The following NCAPH2 variants were observed in gnomAD, a reference collection of about 807,000 sequenced individuals.
NCAPH2 encodes the protein non-SMC condensin II complex subunit H2.
Under a neutral mutation model 88.6 loss-of-function variants are expected in NCAPH2, and 56 were observed. That is an observed-to-expected ratio of 0.63 (90% CI 0.51 to 0.79). NCAPH2 has a LOEUF of 0.79. Among genes scored for constraint, NCAPH2 ranks in the 30% least tolerant of loss-of-function variants. NCAPH2 has a pLI of 0.00. For synonymous variants in NCAPH2, 378 were observed against 313.6 expected (o/e 1.21, Z -2.17); for missense variants, 794 against 792.0 (o/e 1.00, Z -0.03).
intron 10 of NCAPH2, among the ~76,000 whole-genome samples, chr22:50,521,316 C>CTGGGAGGGTGGCTGTGTACCCCCTA (rs1391114247): frequency 2.0e-4 from 31 of 151,782 alleles, no homozygotes; most frequent in Non-Finnish European, 3.2e-4. Flanking sequence ...ACCCCCTACT[C>CTGGGAGGGTGGCTGTGTACCCCCTA]CTCTGGGAGG....
intron 3 of NCAPH2, 31 bp from the exon 4 acceptor site, chr22:50,517,546 G>A: frequency 1.2e-6 from 2 of 1,614,062 alleles, no homozygotes; most frequent in Non-Finnish European, 1.7e-6. Flanking sequence ...TGCAGCTCCT[G>A]GGATGCCCAC....
In NCAPH2 at chr22:50,517,674, G is replaced by A; in HGVS notation, c.351+13G>A. The A allele has an allele frequency of 6.2e-7, 1 of 1,614,148 alleles. No individual in the cohort carries two copies. Among genetic ancestry groups the A allele is most frequent in the Non-Finnish European group, 8.5e-7 (1 of 1,180,030 alleles). The stretch of plus-strand genomic sequence containing the variant: ...GGCAGAGAATGAGGTGAGTTTCTTT[G>A]GCATGTGGTCCCCGCCCACTGTGTG... On this transcript the variant is annotated intron_variant, in intron 4 of 19. Transcript: ENST00000420993.
At chr22:50,515,208 T>C (rs1007095541) in intron 1 of NCAPH2, among the ~76,000 whole-genome samples, 2 of 152,070 alleles carry the variant, frequency 1.3e-5, no homozygotes, top group Admixed American at 1.3e-4. Flanking sequence ...TGGGGGTCGG[T>C]GTTCCAGGCA....
At position 50,521,608 on chromosome 22, in the gene NCAPH2, A is replaced by T. The variant is rs1416413759; in HGVS notation, c.999A>T (p.Lys333Asn). ...CCTTGGAGTCTAAGCCCTTCAAGAAAGGTAATTGGGTGGAAGGTACCTCCA... is the reference window on the plus strand; with the variant it reads ...CCTTGGAGTCTAAGCCCTTCAAGAATGGTAATTGGGTGGAAGGTACCTCCA... The part of the protein sequence containing the change: ...FDSLESKPFK[K>N]GRPYSVPPCV... Residue 333 changes from lysine (K) to asparagine (N), a missense_variant and splice_region_variant, in exon 11 of 20, where the codon AAA becomes AAT. Physicochemically the swap from Lys to Asn is moderately conservative, Grantham distance 94 (BLOSUM62 0). Coordinates refer to ENST00000420993, the MANE Select transcript of NCAPH2 (RefSeq NM_152299.4). The T allele has an allele frequency of 6.2e-7, 1 of 1,612,758 alleles. No individual in the cohort carries two copies. Among genetic ancestry groups the T allele is most frequent in the African/African-American group, 1.3e-5 (1 of 74,842 alleles).
chr22:50,523,132 A>C lies in NCAPH2; in HGVS notation c.1643A>C (p.Glu548Ala). The change falls in exon 19 of 20, where the codon GAG (glutamate) becomes GCG (alanine). Residue 548 changes from glutamate (E) to alanine (A), a missense_variant. Glu to Ala is a moderately radical substitution (Grantham distance 107). This residue lies in a region of NCAPH2 where 735 missense variants were observed against 696.3 expected (regional missense o/e 1.06). Coordinates refer to ENST00000420993, the MANE Select transcript of NCAPH2 (RefSeq NM_152299.4). ...CTGGTGGCTGGCCAGCCGGCCTTCG[A>C]GGTGTGTCGTTCCATGCTGGCCTCC... is the stretch of plus-strand genomic sequence containing the variant. The part of the protein sequence containing the change: ...AELVAGQPAF[E>A]VCRSMLASLQ... 1 of 1,613,574 alleles carries C rather than the reference A, an allele frequency of 6.2e-7. No individual in the cohort carries two copies. Among genetic ancestry groups the C allele is most frequent in the Non-Finnish European group, 8.5e-7 (1 of 1,179,866 alleles).
In NCAPH2 at chr22:50,518,200, G is replaced by C; in HGVS notation, c.568G>C (p.Gly190Arg). 1 of 1,614,074 alleles carries C rather than the reference G, an allele frequency of 6.2e-7. No individual in the cohort carries two copies. The highest frequency in any genetic ancestry group is 8.5e-7 in the Non-Finnish European group (1 of 1,180,016). ...GAACACGTGCGTTCCCCACCCCAGAGGGGCCTTCATGTTGGAGCCAGAGGG... is the reference window on the plus strand; with the variant it reads ...GAACACGTGCGTTCCCCACCCCAGACGGGCCTTCATGTTGGAGCCAGAGGG... ...RMNTCVPHPR[G>R]AFMLEPEGMS... The change falls in exon 7 of 20, where the codon GGG (glycine) becomes CGG (arginine). Residue 190 changes from glycine (G) to arginine (R), a missense_variant. Physicochemically the swap from Gly to Arg is moderately radical, Grantham distance 125. Coordinates refer to ENST00000420993, the MANE Select transcript of NCAPH2 (RefSeq NM_152299.4).
chr22:50,519,619 C>A, intron 9 of NCAPH2: 1 of 1,222,112 alleles, frequency 8.2e-7, no homozygotes, highest in Non-Finnish European at 1.0e-6. Context: ...TGCCAAGGCG[C>A]CTCTCTGCAG....
intron 10 of NCAPH2, among the ~76,000 whole-genome samples, 159 bp downstream of exon 10, chr22:50,521,195 C>T (rs1015285669): frequency 1.3e-5 from 2 of 152,220 alleles, no homozygotes; most frequent in African/African-American, 2.4e-5. Flanking sequence ...CGACTCTGGG[C>T]TCCCACCCTC....
Position 50,518,689 on chromosome 22 carries a change from G to A in NCAPH2, c.687G>A (p.Val229=), listed in dbSNP as rs1203044905. 1.2e-6 allele frequency: 2 copies of A among 1,609,656 alleles called. No homozygotes were observed. Among genetic ancestry groups the A allele is most frequent in the African/African-American group, 1.3e-5 (1 of 74,852 alleles). ...RTEEQPMEVS[V]CRSPVPALGF... ...AGGAGCAGCCAATGGAAGTTTCCGT[G>A]TGCAGGAGCCCTGTCCCAGCACTCG... Residue 229 remains valine (V), a synonymous_variant, in exon 8 of 20, where the codon GTG becomes GTA. Transcript: ENST00000420993.
At chr22:50,512,512 C>T (rs975154319) in intron 1 of NCAPH2, among the ~76,000 whole-genome samples, 1 of 151,316 alleles carries the variant, frequency 6.6e-6, no homozygotes, top group Non-Finnish European at 1.5e-5. Flanking sequence ...CACACACTAC[C>T]ATGATGTTCT....
At chr22:50,521,432 G>T in intron 10 of NCAPH2, 111 bp from the exon 11 acceptor site, 1 of 1,148,906 alleles carries the variant, frequency 8.7e-7, no homozygotes, top group East Asian at 2.4e-5. Flanking sequence ...GAGCGCGGCT[G>T]TGTACCCCCT....
intron 7 of NCAPH2, 116 bp downstream of exon 7, chr22:50,518,394 T>C: frequency 1.4e-6 from 2 of 1,438,762 alleles, no homozygotes; most frequent in Non-Finnish European, 1.9e-6. Context: ...TGTCTCTGGG[T>C]GCCTGCTCTA....
Position 50,522,017 on chromosome 22 carries a change from G to A in NCAPH2, c.1140G>A (p.Arg380=). 6.2e-7 allele frequency: 1 copy of A among 1,614,042 alleles called. No homozygotes were observed. The highest frequency in any genetic ancestry group is 8.5e-7 in the Non-Finnish European group (1 of 1,179,978). The part of the protein sequence containing the change: ...YADHADSRRL[R]RKGPSFADME... ...ACCATGCCGACAGCAGGCGGCTTCG[G>A]CGAAAGGGTCCGTCCTTTGCAGGTG... Residue 380 remains arginine (R), a synonymous_variant, in exon 13 of 20, where the codon CGG becomes CGA. Coordinates refer to ENST00000420993, the MANE Select transcript of NCAPH2 (RefSeq NM_152299.4).
At chr22:50,521,307 C>T (rs565947505) in intron 10 of NCAPH2, among the ~76,000 whole-genome samples, 1 of 152,206 alleles carries the variant, frequency 6.6e-6, no homozygotes, top group African/African-American at 2.4e-5. Context: ...CGGCTGTGCA[C>T]CCCCTACTCC....
rs1263573101 is a variant in NCAPH2 at position 50,523,095 on chromosome 22, C to T, written c.1606C>T (p.Pro536Ser). The T allele has an allele frequency of 9.9e-6, 16 of 1,613,328 alleles. No individual in the cohort carries two copies. The highest frequency in any genetic ancestry group is 1.4e-5 in the Non-Finnish European group (16 of 1,179,662). Residue 536 changes from proline (P) to serine (S), a missense_variant, in exon 19 of 20, where the codon CCC (proline) becomes TCC (serine). Around this residue, in one of 2 missense-constraint regions of NCAPH2, gnomAD observed 735 missense variants for 696.3 expected, o/e 1.06. Coordinates refer to ENST00000420993, the MANE Select transcript of NCAPH2 (RefSeq NM_152299.4). ...GTTCCCCCAGCTCAATGAGTGGTGTCCCTTTGCGGAGCTGGTGGCTGGCCA... is the reference window on the plus strand; with the variant it reads ...GTTCCCCCAGCTCAATGAGTGGTGTTCCTTTGCGGAGCTGGTGGCTGGCCA... ...SRFPQLNEWC[P>S]FAELVAGQPA...
intron 2 of NCAPH2, among the ~76,000 whole-genome samples, chr22:50,517,098 C>T (rs958007451): frequency 1.4e-4 from 21 of 152,120 alleles, no homozygotes; most frequent in African/African-American, 3.9e-4. Context: ...GTGCCAAGCA[C>T]GAGGGGCCTC....
Position 50,516,458 on chromosome 22 carries a change from C to G in NCAPH2, c.120C>G (p.Ile40Met), listed in dbSNP as rs1384791843. 14 of 1,614,060 alleles carry G rather than the reference C, an allele frequency of 8.7e-6. No homozygotes were observed. The highest frequency in any genetic ancestry group is 1.6e-4 in the Middle Eastern group (1 of 6,084). Residue 40 changes from isoleucine (I) to methionine (M), a missense_variant, in exon 2 of 20, where the codon ATC becomes ATG. By Grantham distance (10) the Ile-to-Met change is conservative (BLOSUM62 1). This residue lies in a region of NCAPH2 where 59 missense variants were observed against 95.7 expected (regional missense o/e 0.62). Coordinates refer to ENST00000420993, the MANE Select transcript of NCAPH2 (RefSeq NM_152299.4). ...LGEYLEELDQ[I>M]CISFDEGKTT... ...GTTGTTTCTTGCAGCTGGATCAGAT[C>G]TGCATTTCTTTTGACGAAGGCAAGA...
rs763652303 is a variant in NCAPH2 at position 50,522,558 on chromosome 22, C to T, written c.1364C>T (p.Ala455Val). 1 of 1,613,760 alleles carries T rather than the reference C, an allele frequency of 6.2e-7. No homozygotes were observed. Among genetic ancestry groups the T allele is most frequent in the South Asian group, 1.1e-5 (1 of 91,082 alleles). ...CCCGAGGGAGCAGACCCCAGGGAAG[C>T]CGCTGACCTTGGTAGGTGGGCAGCG... is the stretch of plus-strand genomic sequence containing the variant. ...MEPEGADPRE[A>V]ADLDAVPMSL... The change falls in exon 16 of 20, where the codon GCC becomes GTC. Residue 455 changes from alanine to valine, a missense_variant. By Grantham distance (64) the Ala-to-Val change is moderately conservative (BLOSUM62 0). Around this residue, in one of 2 missense-constraint regions of NCAPH2, gnomAD observed 735 missense variants for 696.3 expected, o/e 1.06. Coordinates refer to ENST00000420993, the MANE Select transcript of NCAPH2 (RefSeq NM_152299.4).
intron 1 of NCAPH2, among the ~76,000 whole-genome samples, chr22:50,509,856 C>G (rs1303573000): frequency 5.9e-5 from 9 of 152,134 alleles, no homozygotes; most frequent in Admixed American, 5.9e-4. Flanking sequence ...ACCTATGGCC[C>G]CTCCAAGCTT....
Sources: allele counts gnomAD v4.1 joint callset (sites outside exome capture counted in the v4.1 genomes callset), GRCh38; gene constraint gnomAD v4.1.1; regional missense constraint gnomAD v4.1.1; transcripts MANE v1.5; gene names NCBI Gene and HGNC (gene_info 2026-07-23, HGNC 2026-07-21).